The following TMEFF2 variants were observed in gnomAD, a reference collection of about 807,000 sequenced individuals.
TMEFF2 encodes the protein transmembrane protein with EGF like and two follistatin like domains 2, also known as tomoregulin-2.
In TMEFF2, 28 loss-of-function variants were observed where a neutral mutation model predicts 53.8. The observed-to-expected ratio is 0.52, with a 90% CI of 0.39 to 0.71. The LOEUF is 0.71. Among genes scored for constraint, TMEFF2 ranks in the 30% least tolerant of loss-of-function variants. TMEFF2 has a pLI of 0.00. For synonymous variants in TMEFF2, 162 were observed against 166.3 expected (o/e 0.97, Z 0.20); for missense variants, 353 against 455.2 (o/e 0.78, Z 2.04).
intron 4 of TMEFF2, among the ~76,000 whole-genome samples, chr2:192,087,424 T>G (rs1458141027): frequency 6.6e-6 from 1 of 152,100 alleles, no homozygotes; most frequent in East Asian, 1.9e-4. Flanking sequence ...TTCACTTTCT[T>G]ATAGCATCCT....
In TMEFF2 at chr2:191,975,118, A is replaced by G; in HGVS notation, c.746-18740T>C. On this transcript the variant is annotated intron_variant, in intron 7 of 9. Coordinates refer to ENST00000272771, the MANE Select transcript of TMEFF2 (RefSeq NM_016192.4). ...AAGAATTTTGATGACATAGAAAATG[A>G]GAAGGATGCTAATTAAAAAAATATA... Among the ~76,000 whole-genome samples, 2 of 151,902 alleles carry G rather than the reference A, an allele frequency of 1.3e-5. 1 individual carries two copies. The highest frequency in any genetic ancestry group is 6.8e-3 in the Middle Eastern group (2 of 292).
At chr2:192,057,402 A>G (rs1687936124) in intron 5 of TMEFF2, among the ~76,000 whole-genome samples, 1 of 151,998 alleles carries the variant, frequency 6.6e-6, no homozygotes, top group Non-Finnish European at 1.5e-5. Flanking sequence ...AGTAAATAAG[A>G]CTTTTTTTTC....
intron 4 of TMEFF2, among the ~76,000 whole-genome samples, chr2:192,171,497 C>T (rs1045477017): frequency 6.6e-6 from 1 of 151,972 alleles, no homozygotes; most frequent in Non-Finnish European, 1.5e-5. Flanking sequence ...CTTCCAATGG[C>T]TCCCTGCTCA....
chr2:192,019,116 A>G (rs1686805658), intron 5 of TMEFF2, among the ~76,000 whole-genome samples: 1 of 152,132 alleles, frequency 6.6e-6, no homozygotes, highest in African/African-American at 2.4e-5. Context: ...CTATTTTTCT[A>G]TTAGACTGCC....
intron 1 of TMEFF2, 142 bp from the exon 2 acceptor site, chr2:192,192,131 T>A (rs529063760): frequency 8.0e-5 from 47 of 585,586 alleles, no homozygotes; most frequent in African/African-American, 6.7e-4. Flanking sequence ...CACTGTCTAC[T>A]GATAACCTCA....
At chr2:192,111,506 A>G (rs1437619578) in intron 4 of TMEFF2, among the ~76,000 whole-genome samples, 5 of 152,186 alleles carry the variant, frequency 3.3e-5, no homozygotes, top group Non-Finnish European at 1.5e-5. Context: ...CATTTAAGAC[A>G]TGACTTAGGT....
chr2:192,069,421 A>G (rs1688235755), intron 4 of TMEFF2, among the ~76,000 whole-genome samples: 1 of 151,824 alleles, frequency 6.6e-6, no homozygotes, highest in African/African-American at 2.4e-5. Flanking sequence ...TAACAAGAAG[A>G]AAAATGTATC....
intron 4 of TMEFF2, among the ~76,000 whole-genome samples, chr2:192,132,363 A>G (rs536866704): frequency 4.9e-4 from 75 of 152,260 alleles, no homozygotes; most frequent in East Asian, 2.1e-3. Context: ...AACCCAGCCC[A>G]GTTCATGGCT....
At chr2:191,952,357 G>A (rs559371210) in intron 9 of TMEFF2, among the ~76,000 whole-genome samples, 3 of 152,288 alleles carry the variant, frequency 2.0e-5, no homozygotes, top group East Asian at 1.9e-4. Context: ...GTCAGTAGTC[G>A]AAGTAGCAAT....
chr2:192,005,169 G>A (rs1686469978), intron 5 of TMEFF2, among the ~76,000 whole-genome samples: 1 of 152,116 alleles, frequency 6.6e-6, no homozygotes. Flanking sequence ...AAGAGAAATA[G>A]GAAATAATTT....
At chr2:192,076,691 CTCAT>C (rs1688439903) in intron 4 of TMEFF2, among the ~76,000 whole-genome samples, 1 of 152,164 alleles carries the variant, frequency 6.6e-6, no homozygotes, top group African/African-American at 2.4e-5. Flanking sequence ...CTAGCACCAC[CTCAT>C]TGGTAAGTGG....
intron 5 of TMEFF2, among the ~76,000 whole-genome samples, chr2:192,050,003 A>G (rs1220553882): frequency 2.0e-5 from 3 of 152,166 alleles, no homozygotes; most frequent in African/African-American, 7.2e-5. Context: ...TCCATCTCAA[A>G]CAAACAAACA....
At chr2:192,189,069 G>T (rs1016671251) in intron 2 of TMEFF2, among the ~76,000 whole-genome samples, 10 of 152,126 alleles carry the variant, frequency 6.6e-5, no homozygotes, top group Non-Finnish European at 2.9e-5. Context: ...TCACCGGGTT[G>T]TGAGAAATAA....
At chr2:192,110,834 G>A (rs530212239) in intron 4 of TMEFF2, among the ~76,000 whole-genome samples, 1 of 152,250 alleles carries the variant, frequency 6.6e-6, no homozygotes, top group South Asian at 2.1e-4. Flanking sequence ...AAGGGGCCTG[G>A]TGGGAGATAA....
At position 192,136,058 on chromosome 2, in the gene TMEFF2, A is replaced by T. The variant is rs1055905291; in HGVS notation, c.439+43610T>A. On this transcript the variant is annotated intron_variant, in intron 4 of 9. Coordinates refer to ENST00000272771, the MANE Select transcript of TMEFF2 (RefSeq NM_016192.4). ...CTGCACCCAGGTGAAATAAACAGCC[A>T]TGTTGCTCACACAAAGCCTGTTTGG... Among the ~76,000 whole-genome samples the T allele has an allele frequency of 1.4e-4, 22 of 152,276 alleles. 1 individual carries two copies. In the South Asian group the frequency reaches 4.6e-3, roughly 32 times the overall value.
At position 192,067,854 on chromosome 2, in the gene TMEFF2, G is replaced by A. The variant is rs534680941; in HGVS notation, c.440-10079C>T. On this transcript the variant is annotated intron_variant, in intron 4 of 9. Transcript: ENST00000272771. Reference sequence around the variant, plus strand: ...AAATATTTTCCCATTCTGTCACCACGGTAGTAGTTGAGATCTTTATCATAC... The same window carrying A: ...AAATATTTTCCCATTCTGTCACCACAGTAGTAGTTGAGATCTTTATCATAC... Among the ~76,000 whole-genome samples, 4 of 151,848 alleles carry A rather than the reference G, an allele frequency of 2.6e-5. No individual in the cohort carries two copies. In the South Asian group the frequency reaches 8.3e-4, roughly 32 times the overall value.
At chr2:192,133,766 G>A (rs1689922570) in intron 4 of TMEFF2, among the ~76,000 whole-genome samples, 1 of 152,162 alleles carries the variant, frequency 6.6e-6, no homozygotes, top group African/African-American at 2.4e-5. Flanking sequence ...GATTACCTGG[G>A]CTGTACTGCC....
At chr2:192,129,943 C>A (rs150489075) in intron 4 of TMEFF2, among the ~76,000 whole-genome samples, 2 of 152,302 alleles carry the variant, frequency 1.3e-5, no homozygotes, top group East Asian at 3.9e-4. Context: ...CTGACCCTAG[C>A]ATAGGTCACT....
chr2:192,045,277 T>G (rs954787511), intron 5 of TMEFF2, among the ~76,000 whole-genome samples: 3 of 152,184 alleles, frequency 2.0e-5, no homozygotes, highest in African/African-American at 7.2e-5. Flanking sequence ...CACCTGATTG[T>G]TCACTTTGCT....
Sources: allele counts gnomAD v4.1 joint callset (sites outside exome capture counted in the v4.1 genomes callset), GRCh38; gene constraint gnomAD v4.1.1; transcripts MANE v1.5; gene names NCBI Gene and HGNC (gene_info 2026-07-23, HGNC 2026-07-21).